Variants in CACTIN observed in about 807,000 individuals in gnomAD.
The protein encoded by CACTIN is cactin, spliceosome C complex subunit, also known as splicing factor Cactin.
Under a neutral mutation model 84.9 loss-of-function variants are expected in CACTIN, and 20 were observed. The ratio of observed to expected loss-of-function variants is 0.24; its 90% CI spans 0.17 to 0.34. The LOEUF (loss-of-function observed/expected upper bound fraction) is 0.34, where lower values mean the gene tolerates loss of function less well. Among genes scored for constraint, CACTIN ranks in the 10% least tolerant of loss-of-function variants. CACTIN has a pLI of 1.00. For missense variants in CACTIN, 897 were observed against 1,117.2 expected, an observed-to-expected ratio of 0.80 and a Z score of 2.81; for synonymous variants, 549 against 467.9, an observed-to-expected ratio of 1.17 and a Z score of -2.24.
At chr19:3,625,767 C>T (rs973214851) in intron 1 of CACTIN, among the ~76,000 whole-genome samples, 3 of 152,230 alleles carry the variant, frequency 2.0e-5, no homozygotes, top group Admixed American at 6.5e-5. Flanking sequence ...GATGAGTGAA[C>T]TTGGCCCAGA....
chr19:3,612,888 C>T lies in CACTIN; in HGVS notation c.1786+170G>A, dbSNP rs767870294. On this transcript the variant is annotated intron_variant, in intron 9 of 9. Transcript: ENST00000429344. The stretch of plus-strand genomic sequence containing the variant: ...AGCAAGCCCAGGATGAATGAAGGAA[C>T]GCCCCAGTGCGCGTGCAGGTGACGG... The T allele has an allele frequency of 3.6e-6, 3 of 830,502 alleles. No individual in the cohort carries two copies. In the South Asian group the frequency reaches 4.3e-5, roughly 12 times the overall value. The allele number at this position is 830,502 out of a possible 1,614,324, so 51.4% of individuals were successfully genotyped here.
At chr19:3,617,922 A>G (rs887474518) in intron 6 of CACTIN, among the ~76,000 whole-genome samples, 1 of 152,204 alleles carries the variant, frequency 6.6e-6, no homozygotes, top group Non-Finnish European at 1.5e-5. Flanking sequence ...TCCACTGAAA[A>G]AGAGGAAAGC....
At position 3,612,395 on chromosome 19, in the gene CACTIN, G is replaced by C; in HGVS notation, c.1805C>G (p.Ala602Gly). ...LQVTGDASES[A>G]EDIFFRRAKE... ...GGCCCGCCGGAAGAAGATGTCCTCGGCGCTCTCGCTGGCGTCTCCTGCGGG... is the reference window on the plus strand; with the variant it reads ...GGCCCGCCGGAAGAAGATGTCCTCGCCGCTCTCGCTGGCGTCTCCTGCGGG... The change falls in exon 10 of 10, where the codon GCC (alanine) becomes GGC (glycine). Residue 602 changes from alanine to glycine, a missense_variant. Around this residue, in one of 8 missense-constraint regions of CACTIN, gnomAD observed 243 missense variants for 239.9 expected, o/e 1.01. Transcript: ENST00000429344. The C allele has an allele frequency of 1.3e-6, 2 of 1,598,774 alleles. No individual in the cohort carries two copies. Among genetic ancestry groups the C allele is most frequent in the Non-Finnish European group, 1.7e-6 (2 of 1,175,198 alleles).
In CACTIN at chr19:3,626,749, G is replaced by A. The variant is rs762520508; in HGVS notation, c.14C>T (p.Thr5Ile). ...ACCCGCGGACCGCGAGCGCGAGCGTGTGTCCCGACCCATCGGCTGGGCCAG... is the reference window on the plus strand; with the variant it reads ...ACCCGCGGACCGCGAGCGCGAGCGTATGTCCCGACCCATCGGCTGGGCCAG... MGRDTRSRSRSAGRR... is the reference protein window; with the variant it reads MGRDIRSRSRSAGRR... The change falls in exon 1 of 10, where the codon ACA becomes ATA. Residue 5 changes from threonine to isoleucine, a missense_variant. This residue lies in a region of CACTIN where 261 missense variants were observed against 243.8 expected (regional missense o/e 1.07). Transcript: ENST00000429344. The A allele has an allele frequency of 2.7e-6, 4 of 1,485,878 alleles. No individual in the cohort carries two copies. Among genetic ancestry groups the A allele is most frequent in the Non-Finnish European group, 3.6e-6 (4 of 1,124,738 alleles). 92.0% of individuals were successfully genotyped at this position (1,485,878 alleles called of 1,614,324 possible).
intron 2 of CACTIN, 73 bp from the exon 3 acceptor site, chr19:3,620,875 A>T (rs775728448): frequency 8.3e-7 from 1 of 1,204,630 alleles, no homozygotes; most frequent in Non-Finnish European, 1.2e-6. Context: ...CCTTCGTCCA[A>T]GAGATTGACC....
Position 3,613,564 on chromosome 19 carries a change from C to T in CACTIN, c.1378G>A (p.Val460Met), listed in dbSNP as rs1442034906. 3.1e-6 allele frequency: 5 copies of T among 1,602,118 alleles called. No homozygotes were observed. Among genetic ancestry groups the T allele is most frequent in the Non-Finnish European group, 4.2e-6 (5 of 1,178,654 alleles). ...AGTTTGTACAGCTTCTGCCGCAGCA[C>T]GTCCTGGTGGCGCTCACGCAGCCTG... ...RARLRERHQDVLRQKLYKLKQ... is the reference protein window; with the variant it reads ...RARLRERHQDMLRQKLYKLKQ... The change falls in exon 8 of 10, where the codon GTG (valine) becomes ATG (methionine). Residue 460 changes from valine (V) to methionine (M), a missense_variant. This residue lies in a region of CACTIN where 304 missense variants were observed against 444.3 expected (regional missense o/e 0.68). Coordinates refer to ENST00000429344, the MANE Select transcript of CACTIN (RefSeq NM_001080543.2).
intron 8 of CACTIN, 28 bp downstream of exon 8, chr19:3,613,436 G>C: frequency 3.2e-6 from 5 of 1,555,166 alleles, no homozygotes; most frequent in Non-Finnish European, 4.3e-6. Flanking sequence ...GTCTGCATCG[G>C]CGTCCCCGGG....
intron 2 of CACTIN, among the ~76,000 whole-genome samples, chr19:3,623,354 C>T (rs1008525037): frequency 5.3e-5 from 8 of 152,000 alleles, no homozygotes; most frequent in African/African-American, 1.5e-4. Flanking sequence ...ATGGTGAAAC[C>T]CTGTCTCTAC....
intron 2 of CACTIN, among the ~76,000 whole-genome samples, chr19:3,621,981 C>T (rs1002565098): frequency 2.0e-5 from 3 of 152,200 alleles, no homozygotes; most frequent in Non-Finnish European, 1.5e-5. Flanking sequence ...GCTCCACCCC[C>T]TCCACAAGTG....
At chr19:3,612,973 C>G in intron 9 of CACTIN, 85 bp downstream of exon 9, 1 of 1,477,254 alleles carries the variant, frequency 6.8e-7, no homozygotes, top group Admixed American at 2.0e-5. Flanking sequence ...ACGCCAGCGG[C>G]TTCGGCCGGG....
chr19:3,626,142 T>C (rs2033327211), intron 1 of CACTIN, among the ~76,000 whole-genome samples: 1 of 151,966 alleles, frequency 6.6e-6, no homozygotes, highest in Admixed American at 6.6e-5. Context: ...GTCTGGACAA[T>C]TGTGCCGTCC....
At position 3,613,142 on chromosome 19, in the gene CACTIN, C is replaced by A; in HGVS notation, c.1702G>T (p.Glu568Ter). 6.2e-7 allele frequency: 1 copy of A among 1,608,136 alleles called. No homozygotes were observed. Among genetic ancestry groups the A allele is most frequent in the Non-Finnish European group, 8.5e-7 (1 of 1,179,038 alleles). ...AGCACGTGCGCGTCCAGTGGCAGCT[C>A]GTGCGCCGTGAGCAGCCGCGGGCTG... ...RYSPRLLTAHELPLDAHVLEP... is the reference protein window; with the variant it reads ...RYSPRLLTAH Residue 568 changes from glutamate (E) to a stop codon, truncating the protein, a stop_gained, in exon 9 of 10, where the codon GAG becomes TAG. Transcript: ENST00000429344. LOFTEE classifies it high-confidence loss of function.
Position 3,619,105 on chromosome 19 carries a change from A to C in CACTIN, c.1022T>G (p.Met341Arg). 6.4e-7 allele frequency: 1 copy of C among 1,573,898 alleles called. No homozygotes were observed. The highest frequency in any genetic ancestry group is 1.2e-5 in the South Asian group (1 of 85,986). Residue 341 changes from methionine to arginine, a missense_variant, in exon 5 of 10, where the codon ATG becomes AGG. Physicochemically the swap from Met to Arg is moderately conservative, Grantham distance 91 (BLOSUM62 -1). Around this residue, in one of 8 missense-constraint regions of CACTIN, gnomAD observed 304 missense variants for 444.3 expected, o/e 0.68. Coordinates refer to ENST00000429344, the MANE Select transcript of CACTIN (RefSeq NM_001080543.2). ...TFLNGLTVAD[M>R]EDLLEDIQVY... is the part of the protein sequence containing the mutation. ...CTGGATATCCTCCAGCAGGTCCTCC[A>C]TGTCGGCCACGGTGAGGCCGTTGAG...
intron 4 of CACTIN, 126 bp downstream of exon 4, chr19:3,619,996 AGGAAG>A (rs2033189255): frequency 8.3e-6 from 9 of 1,083,786 alleles, no homozygotes; most frequent in Non-Finnish European, 1.2e-5. Flanking sequence ...GGAAGGGGTC[AGGAAG>A]GGAAGGTCCC....
Position 3,623,796 on chromosome 19 carries a change from C to T in CACTIN, c.534G>A (p.Glu178=). Reference sequence around the variant, plus strand: ...AGCCCATCTTCTCCCGCTTCTTGCGCTCCTTGGCCTCCTTCTTGGCCAGCC... The same window carrying T: ...AGCCCATCTTCTCCCGCTTCTTGCGTTCCTTGGCCTCCTTCTTGGCCAGCC... ...ARRLAKKEAK[E]RKKREKMGWG... The change falls in exon 2 of 10, where the codon GAG becomes GAA. Residue 178 remains glutamate (E), a synonymous_variant. Transcript: ENST00000429344. 6.2e-7 allele frequency: 1 copy of T among 1,613,908 alleles called. No individual in the cohort carries two copies.
At chr19:3,614,045 TG>T in intron 7 of CACTIN, 1 of 483,010 alleles carries the variant, frequency 2.1e-6, no homozygotes, top group South Asian at 2.2e-5. Flanking sequence ...CGCAAGGCAG[TG>T]GGGACAGGCA....
intron 2 of CACTIN, among the ~76,000 whole-genome samples, chr19:3,623,386 G>A (rs1252265682): frequency 1.3e-5 from 2 of 152,062 alleles, no homozygotes; most frequent in Admixed American, 6.5e-5. Flanking sequence ...AAAATTAGCC[G>A]GGCGTGGTAG....
chr19:3,618,491 T>G (rs2041050), intron 6 of CACTIN, among the ~76,000 whole-genome samples: 100,133 of 152,228 alleles, frequency 0.66, 33,197 homozygotes, highest in African/African-American at 0.74. Context: ...ACGGGACAGG[T>G]AGCGCCCTGA....
intron 4 of CACTIN, among the ~76,000 whole-genome samples, chr19:3,619,840 C>A (rs2033185423): frequency 6.6e-6 from 1 of 152,078 alleles, no homozygotes; most frequent in South Asian, 2.1e-4. Context: ...GATGGGGGTG[C>A]CACCCTCCTG....
Sources: allele counts gnomAD v4.1 joint callset (sites outside exome capture counted in the v4.1 genomes callset), GRCh38; gene constraint gnomAD v4.1.1; regional missense constraint gnomAD v4.1.1; transcripts MANE v1.5; gene names NCBI Gene and HGNC (gene_info 2026-07-23, HGNC 2026-07-21).